PCDH15: variants seen among roughly 807,000 people sequenced by gnomAD.
The protein encoded by PCDH15 is protocadherin related 15.
Under a neutral mutation model 178.5 loss-of-function variants are expected in PCDH15, and 129 were observed. That is an observed-to-expected ratio of 0.72 (90% confidence interval 0.63 to 0.84). The LOEUF is 0.84. PCDH15 is among the 40% of genes least tolerant of loss of function. The pLI, the probability that PCDH15 is intolerant of heterozygous loss-of-function variation, is 0.00. For missense variants in PCDH15, 2,230 were observed against 2,099.9 expected, an observed-to-expected ratio of 1.06 and a Z score of -1.21; for synonymous variants, 800 against 732.0, an observed-to-expected ratio of 1.09 and a Z score of -1.50.
chr10:54,255,332 A>T (rs561117608), intron 8 of PCDH15, among the ~76,000 whole-genome samples: 1 of 152,294 alleles, frequency 6.6e-6, no homozygotes, highest in African/African-American at 2.4e-5. Flanking sequence ...AACTTGCTGA[A>T]ATAATTCTTT....
At chr10:54,800,636 A>T (rs1952575411) in intron 1 of PCDH15, among the ~76,000 whole-genome samples, 1 of 152,210 alleles carries the variant, frequency 6.6e-6, no homozygotes, top group African/African-American at 2.4e-5. Flanking sequence ...TTAAATAACA[A>T]ACCAGAGTTA....
intron 13 of PCDH15, among the ~76,000 whole-genome samples, chr10:54,162,819 A>T (rs2045846702): frequency 6.6e-6 from 1 of 152,118 alleles, no homozygotes; most frequent in Non-Finnish European, 1.5e-5. Context: ...CTTTGACCTT[A>T]TCTGATATGC....
At chr10:55,149,697 TC>T (rs11349004) in intron 2 of PCDH15, among the ~76,000 whole-genome samples, 81,187 of 151,634 alleles carry the variant, frequency 0.54, 22,167 homozygotes, top group South Asian at 0.64. Context: ...GATATCTTTT[TC>T]TCTTCCTTTC....
Position 55,252,190 on chromosome 10 carries a change from TG to T in PCDH15, c.-156+67408del, listed in dbSNP as rs1841855367. 3.9e-5 allele frequency among the ~76,000 whole-genome samples: 6 copies of T among 152,272 alleles called. No homozygotes were observed. In the South Asian group the frequency reaches 1.2e-3, roughly 32 times the overall value. ...GTAGCATTTCCTCTCCTGTGACTAA[TG>T]AGCCTTTTACAGAGTTATAAGCAAA... On this transcript the variant is annotated intron_variant, in intron 1 of 5. Transcript: ENST00000458638.
intron 2 of PCDH15, among the ~76,000 whole-genome samples, chr10:55,602,166 T>A (rs1027660687): frequency 6.6e-6 from 1 of 152,136 alleles, no homozygotes; most frequent in Non-Finnish European, 1.5e-5. Flanking sequence ...ACCCGAATAC[T>A]GCGCTTTTCC....
intron 2 of PCDH15, among the ~76,000 whole-genome samples, chr10:55,567,761 C>T (rs1039340204): frequency 5.9e-5 from 9 of 151,736 alleles, no homozygotes; most frequent in Non-Finnish European, 8.8e-5. Flanking sequence ...TTCATAAGCG[C>T]GATGACTGGG....
chr10:54,346,487 G>A lies in PCDH15; in HGVS notation c.475-3C>T, dbSNP rs41304641. On this transcript the variant is annotated splice_polypyrimidine_tract_variant and splice_region_variant and intron_variant, in intron 5 of 37. Transcript: ENST00000644397. ...ATTGTGGTACCAACTGGAGTGAGCT[G>A]AAAGGAAAAAAGATTTTAAATATCA... 14,883 of 1,613,090 alleles carry A rather than the reference G, an allele frequency of 9.2e-3. 101 individuals are homozygous for A. The highest frequency in any genetic ancestry group is 0.01 in the Non-Finnish European group (12,089 of 1,179,610).
At chr10:55,491,334 G>A (rs575209877) in intron 2 of PCDH15, among the ~76,000 whole-genome samples, 1 of 151,826 alleles carries the variant, frequency 6.6e-6, no homozygotes, top group East Asian at 2.0e-4. Flanking sequence ...AGAAAGGACT[G>A]GGTCTCACTT....
At chr10:53,858,539 A>G (rs1183722958) in intron 27 of PCDH15, among the ~76,000 whole-genome samples, 1 of 152,192 alleles carries the variant, frequency 6.6e-6, no homozygotes, top group Non-Finnish European at 1.5e-5. Context: ...CAGGAAAAAA[A>G]GAAATCCAAA....
At chr10:54,652,973 A>G (rs887985866) in intron 2 of PCDH15, among the ~76,000 whole-genome samples, 11 of 152,206 alleles carry the variant, frequency 7.2e-5, no homozygotes, top group African/African-American at 2.7e-4. Flanking sequence ...TAAGAATACA[A>G]ACAAAACATA....
chr10:55,322,874 A>C (rs1310999889), upstream of PCDH15, among the ~76,000 whole-genome samples: 1 of 152,262 alleles, frequency 6.6e-6, no homozygotes, highest in East Asian at 1.9e-4. Flanking sequence ...TTAATCACCA[A>C]GGTAATAGGG....
chr10:54,590,913 GA>G (rs1297422061), intron 2 of PCDH15, among the ~76,000 whole-genome samples: 1 of 151,976 alleles, frequency 6.6e-6, no homozygotes, highest in Non-Finnish European at 1.5e-5. Context: ...CCTCATTTGG[GA>G]AGGGGTCTAA....
At chr10:53,808,648 G>A (rs373625431) in intron 37 of PCDH15, 9 of 1,584,478 alleles carry the variant, frequency 5.7e-6, no homozygotes, top group Non-Finnish European at 7.7e-6. Flanking sequence ...CACTGCACAC[G>A]AGAGCACTCA....
chr10:55,423,583 T>C (rs1391725262), intron 2 of PCDH15, among the ~76,000 whole-genome samples: 2 of 152,084 alleles, frequency 1.3e-5, no homozygotes, highest in Non-Finnish European at 2.9e-5. Context: ...GAAACTCCTC[T>C]GTTTAGAGCA....
At chr10:53,846,567 C>T (rs2077992574) in intron 28 of PCDH15, among the ~76,000 whole-genome samples, 1 of 151,834 alleles carries the variant, frequency 6.6e-6, no homozygotes, top group South Asian at 2.1e-4. Context: ...ATTTTAAAAT[C>T]ACAAACTAAG....
At chr10:54,760,520 G>A (rs1442275971) in intron 1 of PCDH15, among the ~76,000 whole-genome samples, 2 of 152,098 alleles carry the variant, frequency 1.3e-5, no homozygotes, top group Non-Finnish European at 2.9e-5. Context: ...ACTCAAATCT[G>A]AGTGCAAATG....
At chr10:54,696,035 T>G (rs1020175100) in intron 1 of PCDH15, among the ~76,000 whole-genome samples, 1 of 151,952 alleles carries the variant, frequency 6.6e-6, no homozygotes, top group African/African-American at 2.4e-5. Context: ...GACATTCAAG[T>G]TTTATTATTT....
At chr10:55,424,975 G>T (rs1486142218) in intron 2 of PCDH15, among the ~76,000 whole-genome samples, 1 of 151,748 alleles carries the variant, frequency 6.6e-6, no homozygotes, top group Non-Finnish European at 1.5e-5. Context: ...AAAATGAATT[G>T]TATAATTGCA....
At chr10:53,996,410 T>A (rs1051528635) in intron 20 of PCDH15, among the ~76,000 whole-genome samples, 1 of 152,208 alleles carries the variant, frequency 6.6e-6, no homozygotes, top group East Asian at 1.9e-4. Flanking sequence ...GCGCTATATA[T>A]GCATTGTTAT....
Sources: allele counts gnomAD v4.1 joint callset (sites outside exome capture counted in the v4.1 genomes callset), GRCh38; gene constraint gnomAD v4.1.1; transcripts MANE v1.5; gene names NCBI Gene and HGNC (gene_info 2026-07-23, HGNC 2026-07-21).